GPC6: variants seen among roughly 807,000 people sequenced by gnomAD.
GPC6 encodes the protein glypican 6, also known as glypican-6.
GPC6 carries 14 observed loss-of-function variants against 55.2 expected under a neutral mutation model. That is an observed-to-expected ratio of 0.25 (90% CI 0.17 to 0.40). GPC6 has a LOEUF of 0.40. Among genes scored for constraint, GPC6 ranks in the 10% least tolerant of loss-of-function variants. GPC6 has a pLI of 1.00. For synonymous variants in GPC6, 278 were observed against 259.6 expected (o/e 1.07, Z -0.68); for missense variants, 641 against 708.5 (o/e 0.90, Z 1.08).
At chr13:94,344,542 AG>A (rs1878192241) in intron 6 of GPC6, among the ~76,000 whole-genome samples, 1 of 152,244 alleles carries the variant, frequency 6.6e-6, no homozygotes, top group African/African-American at 2.4e-5. Context: ...TGCATGCAAA[AG>A]CATCCTGAAG....
intron 4 of GPC6, among the ~76,000 whole-genome samples, chr13:94,084,939 G>A (rs1447529508): frequency 6.6e-6 from 1 of 152,074 alleles, no homozygotes; most frequent in Non-Finnish European, 1.5e-5. Flanking sequence ...CAGGTGAAGT[G>A]AGAGTTTATG....
chr13:93,457,625 G>A (rs1054889799), intron 1 of GPC6, among the ~76,000 whole-genome samples: 2 of 152,090 alleles, frequency 1.3e-5, no homozygotes, highest in African/African-American at 2.4e-5. Flanking sequence ...AGAAAGCTCC[G>A]AAAGGTTTAG....
At chr13:94,011,434 C>T (rs781362090) in intron 3 of GPC6, among the ~76,000 whole-genome samples, 11 of 152,210 alleles carry the variant, frequency 7.2e-5, no homozygotes, top group Non-Finnish European at 1.5e-4. Context: ...CCTTCTACCC[C>T]ATGATTTATT....
intron 3 of GPC6, among the ~76,000 whole-genome samples, chr13:93,859,805 T>G (rs1038037281): frequency 7.3e-5 from 11 of 151,574 alleles, no homozygotes; most frequent in African/African-American, 2.7e-4. Flanking sequence ...GCCCTCCCAC[T>G]CAGTCTCTTG....
chr13:93,479,627 A>G (rs1879438532), intron 1 of GPC6, among the ~76,000 whole-genome samples: 2 of 150,934 alleles, frequency 1.3e-5, no homozygotes, highest in South Asian at 2.1e-4. Context: ...CATCTCTACT[A>G]AAAATAAAAA....
intron 1 of GPC6, among the ~76,000 whole-genome samples, chr13:93,536,971 G>A (rs1882088433): frequency 6.6e-6 from 1 of 152,092 alleles, no homozygotes; most frequent in African/African-American, 2.4e-5. Flanking sequence ...CAATTTGTTT[G>A]TTATTCCCTA....
At chr13:93,719,618 A>T (rs953020932) in intron 2 of GPC6, among the ~76,000 whole-genome samples, 14 of 152,030 alleles carry the variant, frequency 9.2e-5, no homozygotes, top group Admixed American at 2.6e-4. Context: ...TTCTAATACT[A>T]TGTTGAATAG....
intron 1 of GPC6, among the ~76,000 whole-genome samples, chr13:93,493,516 A>G (rs1373894846): frequency 1.7e-5 from 2 of 116,074 alleles, no homozygotes; most frequent in Non-Finnish European, 3.7e-5. Context: ...TTGTGTCTCT[A>G]TTTCCTTCAG....
At chr13:94,128,657 A>G (rs1330355798) in intron 4 of GPC6, among the ~76,000 whole-genome samples, 2 of 152,128 alleles carry the variant, frequency 1.3e-5, no homozygotes, top group Admixed American at 1.3e-4. Flanking sequence ...GGCCAGGACA[A>G]TTTACTTGGC....
intron 1 of GPC6, among the ~76,000 whole-genome samples, chr13:93,276,487 AGAGAGAGAGTGTGTGT>A (rs1243002072): frequency 8.8e-4 from 120 of 135,874 alleles, no homozygotes; most frequent in African/African-American, 2.9e-3. Flanking sequence ...AGAGAGAGAG[AGAGAGAGAGTGTGTGT>A]GTGTGTGTGT....
At chr13:93,280,173 G>C (rs1256122731) in intron 1 of GPC6, among the ~76,000 whole-genome samples, 2 of 152,114 alleles carry the variant, frequency 1.3e-5, no homozygotes, top group African/African-American at 4.8e-5. Context: ...CACATGTGGG[G>C]GGGGCCAGAC....
intron 2 of GPC6, among the ~76,000 whole-genome samples, chr13:93,603,601 T>A (rs999991063): frequency 6.6e-6 from 1 of 152,228 alleles, no homozygotes; most frequent in African/African-American, 2.4e-5. Flanking sequence ...CCAGGGCCTG[T>A]GCTCATAAGC....
At chr13:93,268,926 C>T (rs1428797321) in intron 1 of GPC6, among the ~76,000 whole-genome samples, 1 of 152,140 alleles carries the variant, frequency 6.6e-6, no homozygotes, top group Non-Finnish European at 1.5e-5. Flanking sequence ...GCCTCCTGTT[C>T]TCTAGGAATC....
At chr13:94,238,280 CTA>C (rs1331887908) in intron 4 of GPC6, among the ~76,000 whole-genome samples, 1 of 152,060 alleles carries the variant, frequency 6.6e-6, no homozygotes, top group Non-Finnish European at 1.5e-5. Context: ...AGCATAAAGA[CTA>C]TATTTAAGGT....
intron 1 of GPC6, among the ~76,000 whole-genome samples, chr13:93,404,425 A>G (rs181803581): frequency 9.2e-5 from 14 of 152,310 alleles, no homozygotes; most frequent in African/African-American, 2.6e-4. Context: ...TTAAGTCTTT[A>G]CATTTTTCTT....
intron 1 of GPC6, among the ~76,000 whole-genome samples, chr13:93,536,127 A>G (rs979235481): frequency 2.0e-5 from 3 of 152,178 alleles, no homozygotes; most frequent in African/African-American, 7.2e-5. Flanking sequence ...TTAGGTTGCC[A>G]GGCCTCTGTG....
intron 3 of GPC6, among the ~76,000 whole-genome samples, chr13:93,886,794 G>A (rs961713944): frequency 1.4e-5 from 2 of 146,974 alleles, no homozygotes; most frequent in Non-Finnish European, 3.0e-5. Flanking sequence ...ATCCCAAAAC[G>A]ATATTGCTAA....
intron 1 of GPC6, among the ~76,000 whole-genome samples, chr13:93,466,553 T>G (rs1878910782): frequency 1.3e-5 from 2 of 152,214 alleles, no homozygotes; most frequent in African/African-American, 4.8e-5. Context: ...ACAGAAGAGT[T>G]AATTTAAAAA....
intron 2 of GPC6, among the ~76,000 whole-genome samples, chr13:93,769,674 TC>T (rs754366651): frequency 6.6e-6 from 1 of 152,220 alleles, no homozygotes; most frequent in Non-Finnish European, 1.5e-5. Flanking sequence ...TTGCTTTCAA[TC>T]TATAGTTATT....
Sources: allele counts gnomAD v4.1 joint callset (sites outside exome capture counted in the v4.1 genomes callset), GRCh38; gene constraint gnomAD v4.1.1; transcripts MANE v1.5; gene names NCBI Gene and HGNC (gene_info 2026-07-23, HGNC 2026-07-21).